NRXN1: variants seen among roughly 807,000 people sequenced by gnomAD.
NRXN1 encodes neurexin 1.
NRXN1 carries 39 observed loss-of-function variants against 150.9 expected under a neutral mutation model. That is an observed-to-expected ratio of 0.26 (90% CI 0.20 to 0.34). The LOEUF (loss-of-function observed/expected upper bound fraction) is 0.34, where lower values mean the gene tolerates loss of function less well. NRXN1 is among the 10% of genes least tolerant of loss of function. NRXN1 has a pLI of 1.00. For synonymous variants in NRXN1, 924 were observed against 757.0 expected, an observed-to-expected ratio of 1.22 and a Z score of -3.62; for missense variants, 1,815 against 1,949.9, an observed-to-expected ratio of 0.93 and a Z score of 1.30.
At chr2:50,521,328 C>G (rs998034238) in intron 12 of NRXN1, among the ~76,000 whole-genome samples, 1 of 152,134 alleles carries the variant, frequency 6.6e-6, no homozygotes, top group Non-Finnish European at 1.5e-5. Flanking sequence ...TGTATTTAGA[C>G]TGATATCCTG....
At chr2:50,235,785 A>T (rs1391480074) in intron 18 of NRXN1, among the ~76,000 whole-genome samples, 1 of 152,046 alleles carries the variant, frequency 6.6e-6, no homozygotes, top group Non-Finnish European at 1.5e-5. Context: ...TGCATGGGAA[A>T]TAAACAGAAC....
intron 18 of NRXN1, among the ~76,000 whole-genome samples, chr2:50,220,978 GC>G (rs1173190123): frequency 1.3e-5 from 2 of 151,952 alleles, no homozygotes; most frequent in African/African-American, 4.8e-5. Flanking sequence ...CAGATGGTTG[GC>G]AGAATTTTCT....
chr2:50,765,827 G>C (rs1389734397), intron 5 of NRXN1, among the ~76,000 whole-genome samples: 1 of 152,042 alleles, frequency 6.6e-6, no homozygotes, highest in Non-Finnish European at 1.5e-5. Flanking sequence ...CAACAGAGCT[G>C]AATCTATTAT....
intron 2 of NRXN1, among the ~76,000 whole-genome samples, chr2:50,978,509 C>G (rs1182462184): frequency 6.6e-6 from 1 of 151,396 alleles, no homozygotes; most frequent in African/African-American, 2.4e-5. Flanking sequence ...TACCAGATAT[C>G]TAATCCCTTT....
chr2:50,779,908 G>A (rs1390477275), intron 5 of NRXN1, among the ~76,000 whole-genome samples: 1 of 152,156 alleles, frequency 6.6e-6, no homozygotes, highest in Non-Finnish European at 1.5e-5. Flanking sequence ...GGATCAAATG[G>A]TATTTCTGAT....
chr2:50,327,012 C>G (rs879373399), intron 17 of NRXN1, among the ~76,000 whole-genome samples: 1 of 152,168 alleles, frequency 6.6e-6, no homozygotes, highest in Non-Finnish European at 1.5e-5. Context: ...CAAAGTCTAA[C>G]AAAGTTAAAC....
intron 18 of NRXN1, 22 bp from the exon 19 acceptor site, chr2:50,091,516 AAG>A: frequency 6.2e-7 from 1 of 1,613,264 alleles, no homozygotes; most frequent in Non-Finnish European, 8.5e-7. Flanking sequence ...GAGGGGAAAA[AAG>A]AGTTGAATTA....
chr2:50,849,321 C>T (rs991273979), intron 5 of NRXN1, among the ~76,000 whole-genome samples: 2 of 152,130 alleles, frequency 1.3e-5, no homozygotes, highest in African/African-American at 4.8e-5. Flanking sequence ...TTTCTGTGTT[C>T]CCTTAACACG....
intron 17 of NRXN1, among the ~76,000 whole-genome samples, chr2:50,418,227 T>A (rs1020799333): frequency 6.6e-6 from 1 of 151,974 alleles, no homozygotes; most frequent in South Asian, 2.1e-4. Flanking sequence ...TTCTTATATC[T>A]CTAAAGCAAG....
At chr2:50,783,932 T>C (rs1286940312) in intron 5 of NRXN1, among the ~76,000 whole-genome samples, 1 of 152,152 alleles carries the variant, frequency 6.6e-6, no homozygotes, top group Non-Finnish European at 1.5e-5. Flanking sequence ...TAGCCTCATA[T>C]TTAAAGAATA....
chr2:50,554,563 C>T (rs1645150236), intron 8 of NRXN1: 1 of 152,126 alleles, frequency 6.6e-6, no homozygotes. Context: ...GGAAAATCTA[C>T]ATAAAGGCAT....
In NRXN1 at chr2:50,231,128, C is replaced by G. The variant is rs183277011; in HGVS notation, c.3546+5661G>C. Among the ~76,000 whole-genome samples, 3 of 152,142 alleles carry G rather than the reference C, an allele frequency of 2.0e-5. No individual in the cohort carries two copies. In the East Asian group the frequency reaches 5.8e-4, roughly 29 times the overall value. On this transcript the variant is annotated intron_variant, in intron 18 of 22. Transcript: ENST00000401669. ...CAATATATATACAACATATGATTTA[C>G]AGGACTGAATCTGAATACTATATGG...
chr2:50,814,809 T>C (rs1047585692), intron 5 of NRXN1, among the ~76,000 whole-genome samples: 1 of 152,178 alleles, frequency 6.6e-6, no homozygotes, highest in Non-Finnish European at 1.5e-5. Flanking sequence ...AGAATTATTA[T>C]ATTGAAATTC....
At chr2:50,375,530 C>T in intron 17 of NRXN1, among the ~76,000 whole-genome samples, 1 of 65,410 alleles carries the variant, frequency 1.5e-5, no homozygotes, top group East Asian at 1.4e-3. Context: ...TATACTACCT[C>T]TTTAGGTTGG....
chr2:50,358,180 C>G (rs1202435480), intron 17 of NRXN1, among the ~76,000 whole-genome samples: 2 of 152,150 alleles, frequency 1.3e-5, no homozygotes, highest in African/African-American at 4.8e-5. Flanking sequence ...AAGCTAGCTG[C>G]AGGAGTTTTT....
chr2:50,159,265 A>G (rs938644581), intron 18 of NRXN1, among the ~76,000 whole-genome samples: 2 of 152,158 alleles, frequency 1.3e-5, no homozygotes, highest in East Asian at 3.9e-4. Context: ...ACCAACAAAG[A>G]CAAACATTCT....
At chr2:50,337,359 A>G (rs2077261979) in intron 17 of NRXN1, among the ~76,000 whole-genome samples, 1 of 152,062 alleles carries the variant, frequency 6.6e-6, no homozygotes, top group South Asian at 2.1e-4. Context: ...TGCTGGGACT[A>G]CAGGCGTGAG....
intron 21 of NRXN1, among the ~76,000 whole-genome samples, chr2:50,034,480 C>T (rs191009182): frequency 1.5e-4 from 23 of 151,800 alleles, no homozygotes; most frequent in African/African-American, 3.6e-4. Flanking sequence ...CAGCTGACAC[C>T]GGGACCTAGT....
intron 18 of NRXN1, among the ~76,000 whole-genome samples, chr2:50,191,208 T>TG (rs2061422611): frequency 1.4e-5 from 2 of 137,994 alleles, no homozygotes; most frequent in Non-Finnish European, 3.1e-5. Context: ...GTTTTTTGTT[T>TG]TTTTTTTTTT....
Sources: allele counts gnomAD v4.1 joint callset (sites outside exome capture counted in the v4.1 genomes callset), GRCh38; gene constraint gnomAD v4.1.1; transcripts MANE v1.5; gene names NCBI Gene and HGNC (gene_info 2026-07-23, HGNC 2026-07-21).